The following RBFOX1 variants were observed in gnomAD, a reference collection of about 807,000 sequenced individuals.
The protein encoded by RBFOX1 is RNA binding protein fox-1 homolog 1.
In RBFOX1, 8 loss-of-function variants were observed where a neutral mutation model predicts 57.7. The observed-to-expected ratio is 0.14, with a 90% CI of 0.08 to 0.25. The LOEUF is 0.25. RBFOX1 is among the 10% of genes least tolerant of loss of function. The probability of loss-of-function intolerance (pLI) is 1.00; values close to 1 mark genes in which losing one functional copy is unlikely to be tolerated. For synonymous variants in RBFOX1, 326 were observed against 222.4 expected (o/e 1.47, Z -4.15); for missense variants, 611 against 548.5 (o/e 1.11, Z -1.14).
At chr16:7,236,526 T>G (rs975554943) in intron 4 of RBFOX1, among the ~76,000 whole-genome samples, 11 of 152,180 alleles carry the variant, frequency 7.2e-5, no homozygotes, top group African/African-American at 2.4e-4. Flanking sequence ...ATTCTACTTT[T>G]GGCATTTTCC....
intron 2 of RBFOX1, among the ~76,000 whole-genome samples, chr16:6,493,977 G>T (rs2095697221): frequency 6.6e-6 from 1 of 152,222 alleles, no homozygotes; most frequent in African/African-American, 2.4e-5. Flanking sequence ...TATACCAGAA[G>T]ATACAGAGAG....
chr16:6,100,188 A>G (rs2096287292), intron 1 of RBFOX1, among the ~76,000 whole-genome samples: 1 of 151,138 alleles, frequency 6.6e-6, no homozygotes, highest in Admixed American at 6.6e-5. Context: ...TTTGAGACGG[A>G]GTCTTGCTCT....
At chr16:5,903,131 TGA>T (rs2058349346) in intron 4 of RBFOX1, among the ~76,000 whole-genome samples, 1 of 152,096 alleles carries the variant, frequency 6.6e-6, no homozygotes, top group Non-Finnish European at 1.5e-5. Flanking sequence ...TGTGTGTATG[TGA>T]GTGTGTATGT....
Position 7,171,294 on chromosome 16 carries a change from G to A in RBFOX1, c.27+119196G>A, listed in dbSNP as rs544001926. Reference sequence around the variant, plus strand: ...CCCAATTTCCTCATCCCTATGATGAGGACTGCAGTGTCATTGTACATCCCA... The same window carrying A: ...CCCAATTTCCTCATCCCTATGATGAAGACTGCAGTGTCATTGTACATCCCA... On this transcript the variant is annotated intron_variant, in intron 4 of 15. Coordinates refer to ENST00000550418, the MANE Select transcript of RBFOX1 (RefSeq NM_018723.4). Among the ~76,000 whole-genome samples, 3 of 152,266 alleles carry A rather than the reference G, an allele frequency of 2.0e-5. No homozygotes were observed. The South Asian group carries it at 6.2e-4, about 32-fold the overall frequency.
At chr16:7,492,654 C>A (rs140411925) in intron 4 of RBFOX1, among the ~76,000 whole-genome samples, 1 of 152,256 alleles carries the variant, frequency 6.6e-6, no homozygotes, top group Admixed American at 6.5e-5. Context: ...GGTGATTGGA[C>A]CATGAAGGCA....
At chr16:7,710,132 C>A (rs1271050452) in intron 15 of RBFOX1, 17 of 1,020,592 alleles carry the variant, frequency 1.7e-5, no homozygotes, top group Non-Finnish European at 2.0e-5. Flanking sequence ...TGTACAACTC[C>A]ACAACTCCCT....
At chr16:7,407,214 A>C (rs542784805) in intron 4 of RBFOX1, among the ~76,000 whole-genome samples, 1 of 151,944 alleles carries the variant, frequency 6.6e-6, no homozygotes, top group African/African-American at 2.4e-5. Flanking sequence ...ACATCCATAA[A>C]CTCCCTCTTG....
At chr16:6,141,593 C>A (rs759005005) in intron 1 of RBFOX1, among the ~76,000 whole-genome samples, 2 of 152,152 alleles carry the variant, frequency 1.3e-5, no homozygotes, top group African/African-American at 2.4e-5. Context: ...TCCAATCCAC[C>A]ACTAAGCTGT....
chr16:7,521,217 A>C (rs555920746), intron 5 of RBFOX1, among the ~76,000 whole-genome samples: 1 of 152,218 alleles, frequency 6.6e-6, no homozygotes, highest in Non-Finnish European at 1.5e-5. Flanking sequence ...GGCTCACTCA[A>C]AGTCCTAAGA....
chr16:5,684,878 A>T (rs1051489858), intron 3 of RBFOX1, among the ~76,000 whole-genome samples: 2 of 152,156 alleles, frequency 1.3e-5, no homozygotes, highest in Non-Finnish European at 2.9e-5. Context: ...ATATTTTTGT[A>T]GAATGCTGCA....
chr16:5,929,777 C>T (rs145153771), intron 4 of RBFOX1, among the ~76,000 whole-genome samples: 14 of 152,088 alleles, frequency 9.2e-5, no homozygotes, highest in African/African-American at 2.9e-4. Context: ...TGCTGTGTGC[C>T]ACACGCTGGG....
chr16:7,488,793 T>G (rs1400916592), intron 4 of RBFOX1, among the ~76,000 whole-genome samples: 1 of 152,220 alleles, frequency 6.6e-6, no homozygotes, highest in Non-Finnish European at 1.5e-5. Context: ...TCTATACATA[T>G]CCATACATTA....
chr16:5,392,561 CAG>C (rs1267987286), intron 1 of RBFOX1, among the ~76,000 whole-genome samples: 1 of 148,608 alleles, frequency 6.7e-6, no homozygotes, highest in Non-Finnish European at 1.5e-5. Context: ...TTTTTTGAGA[CAG>C]GGTCTCATCG....
At chr16:5,415,186 T>A (rs933922306) in intron 1 of RBFOX1, among the ~76,000 whole-genome samples, 1 of 152,182 alleles carries the variant, frequency 6.6e-6, no homozygotes, top group Non-Finnish European at 1.5e-5. Flanking sequence ...TTTAATTAAC[T>A]TGCAGTTCTA....
chr16:6,348,931 T>C (rs1464670879), intron 2 of RBFOX1, among the ~76,000 whole-genome samples: 1 of 152,168 alleles, frequency 6.6e-6, no homozygotes, highest in East Asian at 1.9e-4. Context: ...TTTCTGGGGA[T>C]AGAGATGGAC....
intron 1 of RBFOX1, among the ~76,000 whole-genome samples, chr16:5,443,399 G>A (rs576052805): frequency 5.9e-5 from 9 of 152,158 alleles, no homozygotes; most frequent in East Asian, 3.9e-4. Context: ...GTGCAGTGTC[G>A]CGATCTTGGC....
intron 1 of RBFOX1, among the ~76,000 whole-genome samples, chr16:5,324,764 C>A (rs943570765): frequency 2.6e-5 from 4 of 152,176 alleles, no homozygotes; most frequent in African/African-American, 9.6e-5. Flanking sequence ...GATGAACTCA[C>A]GGACACATAG....
intron 3 of RBFOX1, among the ~76,000 whole-genome samples, chr16:5,858,936 C>T (rs907413847): frequency 2.6e-5 from 4 of 152,116 alleles, no homozygotes; most frequent in African/African-American, 4.8e-5. Flanking sequence ...CCTTTGGGGC[C>T]GGGTCTGGTG....
At chr16:5,464,670 G>T (rs1156495084) in intron 1 of RBFOX1, among the ~76,000 whole-genome samples, 2 of 152,230 alleles carry the variant, frequency 1.3e-5, no homozygotes, top group African/African-American at 4.8e-5. Context: ...GCCCCATCAT[G>T]TCTCCAGCAT....
Sources: allele counts gnomAD v4.1 joint callset (sites outside exome capture counted in the v4.1 genomes callset), GRCh38; gene constraint gnomAD v4.1.1; transcripts MANE v1.5; gene names NCBI Gene and HGNC (gene_info 2026-07-23, HGNC 2026-07-21).